Variants in OTUD6B observed in about 807,000 individuals in gnomAD.
OTUD6B encodes deubiquitinase OTUD6B.
Under a neutral mutation model 36.9 loss-of-function variants are expected in OTUD6B, and 41 were observed. The observed-to-expected ratio is 1.11, with a 90% CI of 0.87 to 1.44. The LOEUF is 1.44. Ranked by LOEUF, OTUD6B falls within the 40% of genes most tolerant of loss-of-function variation. The probability of loss-of-function intolerance (pLI) is 0.00; values close to 1 mark genes in which losing one functional copy is unlikely to be tolerated. For missense variants in OTUD6B, 356 were observed against 344.8 expected, an observed-to-expected ratio of 1.03 and a Z score of -0.26; for synonymous variants, 114 against 114.2, an observed-to-expected ratio of 1.00 and a Z score of 0.01.
At chr8:91,081,040 G>A (rs1812896066) in intron 5 of OTUD6B, among the ~76,000 whole-genome samples, 1 of 151,994 alleles carries the variant, frequency 6.6e-6, no homozygotes, top group African/African-American at 2.4e-5. Flanking sequence ...TTGATTTTCT[G>A]GACTTAGGAA....
At chr8:91,070,613 T>C in intron 1 of OTUD6B, 147 bp downstream of exon 1, 1 of 731,912 alleles carries the variant, frequency 1.4e-6, no homozygotes, top group South Asian at 1.9e-5. Context: ...TCTCTTCACC[T>C]ACCCCGGCGG....
intron 3 of OTUD6B, 52 bp from the exon 4 acceptor site, chr8:91,078,304 G>T: frequency 6.7e-7 from 1 of 1,482,034 alleles, no homozygotes; most frequent in South Asian, 1.4e-5. Context: ...TAATAAATGA[G>T]AATTAGTCCA....
At chr8:91,077,859 T>C (rs1311836105) in intron 3 of OTUD6B, among the ~76,000 whole-genome samples, 1 of 151,974 alleles carries the variant, frequency 6.6e-6, no homozygotes, top group East Asian at 1.9e-4. Flanking sequence ...TTACAAAATA[T>C]TTGTTAATTA....
At chr8:91,078,091 T>G (rs73694376) in intron 3 of OTUD6B, 4,513 of 208,670 alleles carry the variant, frequency 0.022, 201 homozygotes, top group African/African-American at 0.099. Flanking sequence ...ACTTGGCATG[T>G]AGCCTTTAAG....
In OTUD6B at chr8:91,071,292, A is replaced by C. The variant is rs760422604; in HGVS notation, c.234+3A>C. ...AGCTGACTACTAAGGAGAATAAGGT[A>C]TGTGAAATAAATGTTTGTCGTTGCC... On this transcript the variant is annotated splice_donor_region_variant and intron_variant, in intron 2 of 6. Coordinates refer to ENST00000404789, the MANE Select transcript of OTUD6B (RefSeq NM_016023.5). 2.2e-5 allele frequency: 36 copies of C among 1,603,826 alleles called. No homozygotes were observed. Among genetic ancestry groups the C allele is most frequent in the Non-Finnish European group, 3.1e-5 (36 of 1,176,132 alleles).
At chr8:91,082,972 G>A (rs1213549367) in intron 5 of OTUD6B, among the ~76,000 whole-genome samples, 1 of 151,826 alleles carries the variant, frequency 6.6e-6, no homozygotes, top group Non-Finnish European at 1.5e-5. Flanking sequence ...GCCTCCCAAA[G>A]TGCTGGAATT....
intron 5 of OTUD6B, among the ~76,000 whole-genome samples, chr8:91,082,380 T>G (rs1226999537): frequency 6.6e-6 from 1 of 151,940 alleles, no homozygotes; most frequent in Non-Finnish European, 1.5e-5. Flanking sequence ...GCATTATGAT[T>G]TTTACTTTCT....
chr8:91,083,992 T>G lies in OTUD6B; in HGVS notation c.691-16T>G. On this transcript the variant is annotated splice_polypyrimidine_tract_variant and intron_variant, in intron 5 of 6. Transcript: ENST00000404789. Reference sequence around the variant, plus strand: ...CATTTTTATTTTCCTTACTGATACTTTTTTTCTTCCTATAGCTAAGAGCTC... The same window carrying G: ...CATTTTTATTTTCCTTACTGATACTGTTTTTCTTCCTATAGCTAAGAGCTC... The G allele has an allele frequency of 6.5e-7, 1 of 1,543,528 alleles. No homozygotes were observed. Among genetic ancestry groups the G allele is most frequent in the African/African-American group, 1.4e-5 (1 of 72,574 alleles).
chr8:91,077,833 T>C (rs1176229198), intron 3 of OTUD6B, among the ~76,000 whole-genome samples: 1 of 151,708 alleles, frequency 6.6e-6, no homozygotes, highest in Non-Finnish European at 1.5e-5. Flanking sequence ...CTCTCTCTTA[T>C]ATTTTAATTT....
chr8:91,084,106 A>G lies in OTUD6B; in HGVS notation c.789A>G (p.Leu263=), dbSNP rs1179942920. The part of the protein sequence containing the change: ...IVGEEYSKKP[L]ILVYMRHAYG... Reference sequence around the variant, plus strand: ...GTGAAGAATATTCAAAAAAACCACTAATACTTGTGTAAGTACCTAGACATT... The same window carrying G: ...GTGAAGAATATTCAAAAAAACCACTGATACTTGTGTAAGTACCTAGACATT... The change falls in exon 6 of 7, where the codon CTA becomes CTG. Residue 263 remains leucine, a synonymous_variant. Transcript: ENST00000404789. The G allele has an allele frequency of 1.3e-6, 2 of 1,512,642 alleles. No homozygotes were observed. The highest frequency in any genetic ancestry group is 1.4e-5 in the African/African-American group (1 of 72,528). 93.7% of individuals were successfully genotyped at this position (1,512,642 alleles called of 1,614,324 possible). A position where few individuals can be genotyped will look rare whatever the true frequency, so the allele number is the denominator to read the frequency against.
chr8:91,073,983 G>A (rs1812754838), intron 3 of OTUD6B, 72 bp downstream of exon 3: 1 of 1,009,400 alleles, frequency 9.9e-7, no homozygotes, highest in Non-Finnish European at 1.5e-6. Context: ...ACTATCTTAG[G>A]TCTTGTTATA....
Position 91,073,959 on chromosome 8 carries a change from A to T in OTUD6B, c.315+48A>T, listed in dbSNP as rs573009820. 4 of 1,252,578 alleles carry T rather than the reference A, an allele frequency of 3.2e-6. No individual in the cohort carries two copies. In the African/African-American group the frequency reaches 4.5e-5, roughly 14 times the overall value. 77.6% of individuals were successfully genotyped at this position (1,252,578 alleles called of 1,614,324 possible). ...TATATAAGTTAGTGCTGTGTGTTCA[A>T]TACTATCTTAGGTACTATCTTAGGT... On this transcript the variant is annotated intron_variant, in intron 3 of 6. Transcript: ENST00000404789.
intron 3 of OTUD6B, 58 bp downstream of exon 3, chr8:91,073,969 A>C (rs1812754561): frequency 2.6e-6 from 3 of 1,154,266 alleles, no homozygotes; most frequent in Non-Finnish European, 3.8e-6. Flanking sequence ...ATACTATCTT[A>C]GGTACTATCT....
intron 3 of OTUD6B, among the ~76,000 whole-genome samples, chr8:91,075,773 T>G (rs573438634): frequency 3.3e-4 from 50 of 152,202 alleles, no homozygotes; most frequent in African/African-American, 1.2e-3. Flanking sequence ...CAATCGGGTG[T>G]TAGATTATTT....
intron 3 of OTUD6B, chr8:91,076,565 T>C (rs1812806682): frequency 2.6e-6 from 4 of 1,528,178 alleles, no homozygotes; most frequent in Non-Finnish European, 3.5e-6. Context: ...CCAGCTCCCA[T>C]CTGCTCCAAC....
At chr8:91,080,618 A>C in intron 4 of OTUD6B, 51 bp from the exon 5 acceptor site, 1 of 1,545,462 alleles carries the variant, frequency 6.5e-7, no homozygotes. Context: ...GGATTTTGTA[A>C]CATGAGTTAC....
chr8:91,079,951 T>A (rs747786777), intron 4 of OTUD6B, among the ~76,000 whole-genome samples: 2 of 152,154 alleles, frequency 1.3e-5, no homozygotes, highest in Non-Finnish European at 2.9e-5. Context: ...CATATTTTTC[T>A]TCTAGATGTC....
At position 91,086,403 on chromosome 8, in the gene OTUD6B, A is replaced by G. The variant is rs1006877896; in HGVS notation, c.*1535A>G. The G allele has an allele frequency of 3.3e-5, 5 of 152,094 alleles. No individual in the cohort carries two copies. The highest frequency in any genetic ancestry group is 7.4e-5 in the Non-Finnish European group (5 of 67,978). 9.4% of individuals were successfully genotyped at this position (152,094 alleles called of 1,614,324 possible). The stretch of plus-strand genomic sequence containing the variant: ...CCATTCTGCCTGCCAAACAAATTAT[A>G]TTCTGAAGATGCCTGTTTTGTAACC... On this transcript the variant is annotated 3_prime_UTR_variant, in exon 7 of 7. Coordinates refer to ENST00000404789, the MANE Select transcript of OTUD6B (RefSeq NM_016023.5).
At chr8:91,074,828 G>A (rs1026517418) in intron 3 of OTUD6B, among the ~76,000 whole-genome samples, 1 of 152,000 alleles carries the variant, frequency 6.6e-6, no homozygotes, top group Admixed American at 6.6e-5. Context: ...AACAGATGAG[G>A]TTTTAATTTC....
Sources: allele counts gnomAD v4.1 joint callset (sites outside exome capture counted in the v4.1 genomes callset), GRCh38; gene constraint gnomAD v4.1.1; transcripts MANE v1.5; gene names NCBI Gene and HGNC (gene_info 2026-07-23, HGNC 2026-07-21).